PTPRA: variants seen among roughly 807,000 people sequenced by gnomAD.
The protein encoded by PTPRA is protein tyrosine phosphatase receptor type A.
Under a neutral mutation model 104.8 loss-of-function variants are expected in PTPRA, and 25 were observed. The ratio of observed to expected loss-of-function variants is 0.24; its 90% CI spans 0.17 to 0.33. The LOEUF is 0.33. Among genes scored for constraint, PTPRA ranks in the 10% least tolerant of loss-of-function variants. The pLI is 1.00. For synonymous variants in PTPRA, 323 were observed against 368.9 expected (o/e 0.88, Z 1.43); for missense variants, 765 against 1,015.3 (o/e 0.75, Z 3.35).
chr20:2,912,733 G>A (rs887238534), intron 1 of PTPRA, among the ~76,000 whole-genome samples: 1 of 152,222 alleles, frequency 6.6e-6, no homozygotes, highest in African/African-American at 2.4e-5. Flanking sequence ...ATAGCCATTA[G>A]CCATGTGTGC....
rs571244860 is a variant in PTPRA, at chr20:2,944,861, T to G, written c.-49-3121T>G. On this transcript the variant is annotated intron_variant, in intron 2 of 23. Coordinates refer to ENST00000399903, the MANE Select transcript of PTPRA (RefSeq NM_001385305.1). ...TTTATTTATCTGTTTGGGGGGTGTTTAGGGCTTCTTGGATCTGTGGTTTGA... is the reference window on the plus strand; with the variant it reads ...TTTATTTATCTGTTTGGGGGGTGTTGAGGGCTTCTTGGATCTGTGGTTTGA... Among the ~76,000 whole-genome samples the G allele has an allele frequency of 2.6e-5, 4 of 152,324 alleles. No homozygotes were observed. The South Asian group carries it at 8.3e-4, about 32-fold the overall frequency.
intron 5 of PTPRA, among the ~76,000 whole-genome samples, chr20:2,974,110 C>T (rs905945835): frequency 6.6e-6 from 1 of 151,854 alleles, no homozygotes. Flanking sequence ...ACCACCACGC[C>T]TGGCTAATTT....
rs1045684674 is a variant in PTPRA, at chr20:3,037,154, C to T, written c.2199C>T (p.Ser733=). 45 of 1,613,586 alleles carry T rather than the reference C, an allele frequency of 2.8e-5. No homozygotes were observed. The highest frequency in any genetic ancestry group is 3.4e-5 in the Non-Finnish European group (40 of 1,179,784). ...SGNHPITVHC[S]AGAGRTGTFC... ...GGTAAATGTGTCTGCTCTGTTGCAG[C>T]GCCGGGGCAGGAAGGACGGGGACCT... Residue 733 remains serine (S), a splice_region_variant and synonymous_variant, in exon 23 of 24, where the codon AGC becomes AGT. Transcript: ENST00000399903. The surrounding 1 kb of genome is among the most constrained non-coding windows in gnomAD (Gnocchi z 4.3).
chr20:3,010,576 C>T (rs573472052), intron 11 of PTPRA, among the ~76,000 whole-genome samples: 17 of 151,874 alleles, frequency 1.1e-4, no homozygotes, highest in Non-Finnish European at 2.4e-4. Flanking sequence ...TGCAGTGAGC[C>T]GAGATCACGC....
chr20:2,983,062 T>C (rs2062755452), intron 6 of PTPRA, among the ~76,000 whole-genome samples: 1 of 152,158 alleles, frequency 6.6e-6, no homozygotes, highest in Non-Finnish European at 1.5e-5. Flanking sequence ...ACATGAAAGA[T>C]CTCATTTAAT....
Position 3,035,495 on chromosome 20 carries a change from G to A in PTPRA, c.1921-90G>A, listed in dbSNP as rs2065752651. The A allele has an allele frequency of 7.0e-6, 10 of 1,438,212 alleles. No individual in the cohort carries two copies. The highest frequency in any genetic ancestry group is 1.3e-5 in the South Asian group (1 of 79,874). The allele number at this position is 1,438,212 out of a possible 1,614,324, so 89.1% of individuals were successfully genotyped here. A position where few individuals can be genotyped will look rare whatever the true frequency, so the allele number is the denominator to read the frequency against. On this transcript the variant is annotated intron_variant, in intron 20 of 23. Coordinates refer to ENST00000399903, the MANE Select transcript of PTPRA (RefSeq NM_001385305.1). This position sits in a 1 kb window ranked among gnomAD's most constrained non-coding sequence, Gnocchi z 5.8. ...AAGCGTATCAGCGTAAGAGGTGGCT[G>A]TACTGAGAGGGGTCAGGCTGCTCGT...
At chr20:2,931,376 G>A (rs536000903) in intron 2 of PTPRA, among the ~76,000 whole-genome samples, 87 of 152,288 alleles carry the variant, frequency 5.7e-4, no homozygotes, top group African/African-American at 2.0e-3. Flanking sequence ...CAGAAATAAA[G>A]ATGTCTAGAG....
At chr20:2,867,646 C>T in the PTPRA span, among the ~76,000 whole-genome samples, 3 of 152,134 alleles carry the variant, frequency 2.0e-5, no homozygotes, top group Non-Finnish European at 4.4e-5. Context: ...TGGCTTCATG[C>T]CCAGGGCCCC....
intron 3 of PTPRA, among the ~76,000 whole-genome samples, chr20:2,956,011 C>T (rs2061523693): frequency 6.6e-6 from 1 of 152,184 alleles, no homozygotes; most frequent in Admixed American, 6.6e-5. Flanking sequence ...TATAGCATTG[C>T]AGTTCACTGA....
chr20:3,006,723 G>A (rs1487807516), intron 10 of PTPRA, among the ~76,000 whole-genome samples: 1 of 152,166 alleles, frequency 6.6e-6, no homozygotes, highest in Non-Finnish European at 1.5e-5. Context: ...TACCTCCTGG[G>A]TTCAAGCCAT....
At position 2,953,586 on chromosome 20, in the gene PTPRA, G is replaced by A. The variant is rs949945338; in HGVS notation, c.-7+5562G>A. ...TTTTTAAACAATAGCCATCCTAATG[G>A]GTATGAAATAGGTTTTTTGGTGTTT... On this transcript the variant is annotated intron_variant, in intron 3 of 23. Coordinates refer to ENST00000399903, the MANE Select transcript of PTPRA (RefSeq NM_001385305.1). 6.6e-5 allele frequency among the ~76,000 whole-genome samples: 10 copies of A among 151,514 alleles called. 1 individual carries two copies. The highest frequency in any genetic ancestry group is 1.3e-4 in the Non-Finnish European group (9 of 67,880).
At chr20:2,986,925 A>G (rs2148135222) in intron 7 of PTPRA, 76 bp downstream of exon 7, 1 of 1,269,172 alleles carries the variant, frequency 7.9e-7, no homozygotes, top group Non-Finnish European at 1.2e-6. Flanking sequence ...CACACAGTCC[A>G]GTAGACAGTA....
At chr20:2,999,623 A>G (rs1191889523) in intron 9 of PTPRA, among the ~76,000 whole-genome samples, 2 of 152,206 alleles carry the variant, frequency 1.3e-5, no homozygotes. Flanking sequence ...GGTCTTCACA[A>G]TAAATAGTGC....
chr20:2,998,896 A>G (rs1040601967), intron 9 of PTPRA, among the ~76,000 whole-genome samples: 2 of 149,112 alleles, frequency 1.3e-5, no homozygotes, highest in African/African-American at 4.9e-5. Flanking sequence ...GACATATTAT[A>G]TTATAGAATT....
chr20:3,019,980 A>G (rs1262685245), intron 13 of PTPRA, among the ~76,000 whole-genome samples: 9 of 150,314 alleles, frequency 6.0e-5, no homozygotes, highest in African/African-American at 2.2e-4. Flanking sequence ...AGGCTGAGGC[A>G]GGAGAATCAG....
intron 4 of PTPRA, 27 bp downstream of exon 4, chr20:2,964,377 A>G (rs776445812): frequency 2.0e-6 from 3 of 1,533,878 alleles, no homozygotes; most frequent in Admixed American, 4.3e-5. Context: ...TAAGGCTGCT[A>G]TTTGAAATGA....
chr20:2,902,457 C>A (rs1302312464), intron 1 of PTPRA, among the ~76,000 whole-genome samples: 1 of 152,148 alleles, frequency 6.6e-6, no homozygotes, highest in African/African-American at 2.4e-5. Flanking sequence ...CAGATTGATG[C>A]AGTCATGGAA....
At chr20:2,922,895 A>G (rs932133746) in intron 1 of PTPRA, among the ~76,000 whole-genome samples, 3 of 151,810 alleles carry the variant, frequency 2.0e-5, no homozygotes, top group Non-Finnish European at 4.4e-5. Context: ...TCGGCCTCCC[A>G]AAGTGCTGGG....
At chr20:2,908,307 CT>C (rs1439703251) in intron 1 of PTPRA, among the ~76,000 whole-genome samples, 2 of 152,158 alleles carry the variant, frequency 1.3e-5, no homozygotes, top group Non-Finnish European at 2.9e-5. Flanking sequence ...CAGTTTCAAA[CT>C]GCACAGGTCC....
Sources: allele counts gnomAD v4.1 joint callset (sites outside exome capture counted in the v4.1 genomes callset), GRCh38; gene constraint gnomAD v4.1.1; non-coding constraint Gnocchi (gnomAD v3.1); transcripts MANE v1.5; gene names NCBI Gene and HGNC (gene_info 2026-07-23, HGNC 2026-07-21).